Variants in UGCG observed in about 807,000 individuals in gnomAD.
UGCG encodes UDP-glucose ceramide glucosyltransferase.
Under a neutral mutation model 49.5 loss-of-function variants are expected in UGCG, and 10 were observed. The observed-to-expected ratio is 0.20, with a 90% CI of 0.12 to 0.34. The LOEUF (loss-of-function observed/expected upper bound fraction) is 0.34, where lower values mean the gene tolerates loss of function less well. Ranked by LOEUF, UGCG falls within the 10% of genes least tolerant of loss-of-function variation. The probability of loss-of-function intolerance (pLI) is 1.00; values close to 1 mark genes in which losing one functional copy is unlikely to be tolerated. For synonymous variants in UGCG, 182 were observed against 158.2 expected (o/e 1.15, Z -1.13); for missense variants, 312 against 483.7 (o/e 0.65, Z 3.33).
chr9:111,901,797 G>A (rs928186107), intron 1 of UGCG, among the ~76,000 whole-genome samples: 2 of 152,176 alleles, frequency 1.3e-5, no homozygotes, highest in Admixed American at 1.3e-4. Context: ...AGTTAGTTCA[G>A]CACACCTTCA....
chr9:111,922,349 A>C (rs1395305490), intron 2 of UGCG, among the ~76,000 whole-genome samples: 2 of 152,186 alleles, frequency 1.3e-5, no homozygotes, highest in Admixed American at 1.3e-4. Flanking sequence ...ATGAATTTGG[A>C]AGGGCCCTTT....
chr9:111,904,627 G>A (rs927542922), intron 1 of UGCG, among the ~76,000 whole-genome samples: 9 of 152,312 alleles, frequency 5.9e-5, no homozygotes, highest in Admixed American at 1.3e-4. Flanking sequence ...TTGGGAGGCC[G>A]AGGCAGGTGG....
chr9:111,933,814 T>G lies in UGCG; in HGVS notation c.*817T>G, dbSNP rs921972409. 6.6e-6 allele frequency: 1 copy of G among 152,160 alleles called. No homozygotes were observed. Among genetic ancestry groups the G allele is most frequent in the Non-Finnish European group, 1.5e-5 (1 of 68,036 alleles). 9.4% of individuals were successfully genotyped at this position (152,160 alleles called of 1,614,324 possible). Reference sequence around the variant, plus strand: ...ATAGCTAAATCTTTTCCTTCCTTGCTCCTCCCCCAGCCCACCCCGTCTTCC... The same window carrying G: ...ATAGCTAAATCTTTTCCTTCCTTGCGCCTCCCCCAGCCCACCCCGTCTTCC... On this transcript the variant is annotated 3_prime_UTR_variant, in exon 9 of 9. Transcript: ENST00000374279.
rs1838485839 is a variant in UGCG at position 111,934,702 on chromosome 9, C to A, written c.*1705C>A. ...TATTTAAGCTTTTCTCTGGGCCAAA[C>A]TGCTTCATCCTTTTTTCTTTCTTTT... On this transcript the variant is annotated 3_prime_UTR_variant, in exon 9 of 9. Transcript: ENST00000374279. The A allele has an allele frequency of 6.8e-6, 1 of 147,754 alleles. No individual in the cohort carries two copies. The highest frequency in any genetic ancestry group is 2.5e-5 in the African/African-American group (1 of 39,508). 9.2% of individuals were successfully genotyped at this position (147,754 alleles called of 1,614,324 possible).
intron 2 of UGCG, among the ~76,000 whole-genome samples, chr9:111,918,517 T>TA (rs1838151783): frequency 6.6e-6 from 1 of 152,248 alleles, no homozygotes; most frequent in South Asian, 2.1e-4. Context: ...AAATGAATCT[T>TA]ATGTATTTGA....
chr9:111,932,026 AAAAAAAAAAAC>A lies in UGCG; in HGVS notation c.825-139_825-129del, dbSNP rs1375158101. ...CAGAGCAGAACCCCGTCTCAAGTAAAAAAAAAAAAACAAAACAAAAAAAGTTTAAAGAGAAT... is the reference window on the plus strand; with the variant it reads ...CAGAGCAGAACCCCGTCTCAAGTAAAAAAACAAAAAAAGTTTAAAGAGAAT... On this transcript the variant is annotated intron_variant, in intron 7 of 8. Coordinates refer to ENST00000374279, the MANE Select transcript of UGCG (RefSeq NM_003358.3). The A allele has an allele frequency of 3.4e-6, 3 of 878,868 alleles. No individual in the cohort carries two copies. In the African/African-American group the frequency reaches 5.2e-5, roughly 15 times the overall value. The allele number at this position is 878,868 out of a possible 1,614,324, so 54.4% of individuals were successfully genotyped here. A position where few individuals can be genotyped will look rare whatever the true frequency, so the allele number is the denominator to read the frequency against.
chr9:111,903,250 G>T (rs1321631856), intron 1 of UGCG, among the ~76,000 whole-genome samples: 1 of 152,162 alleles, frequency 6.6e-6, no homozygotes, highest in Non-Finnish European at 1.5e-5. Context: ...TTTGAAAACA[G>T]AACTGTAAAA....
At position 111,934,041 on chromosome 9, in the gene UGCG, A is replaced by G. The variant is rs1217924498; in HGVS notation, c.*1044A>G. ...TTTTAAGTCAGTAAATATTCTAGCC[A>G]TCAATAAATTGCAGTAGAGTATTAA... is the stretch of plus-strand genomic sequence containing the variant. On this transcript the variant is annotated 3_prime_UTR_variant, in exon 9 of 9. Transcript: ENST00000374279. The G allele has an allele frequency of 6.6e-6, 1 of 152,162 alleles. No individual in the cohort carries two copies. The highest frequency in any genetic ancestry group is 1.5e-5 in the Non-Finnish European group (1 of 68,018). 9.4% of individuals were successfully genotyped at this position (152,162 alleles called of 1,614,324 possible).
chr9:111,931,730 TAA>T (rs1043354243), intron 7 of UGCG, among the ~76,000 whole-genome samples: 1 of 152,088 alleles, frequency 6.6e-6, no homozygotes, highest in Non-Finnish European at 1.5e-5. Flanking sequence ...AGAGAGTCAT[TAA>T]AAAAAATTTT....
At chr9:111,914,772 TTTTG>T (rs1345896774) in intron 2 of UGCG, 26 bp downstream of exon 2, 1 of 1,481,058 alleles carries the variant, frequency 6.8e-7, no homozygotes, top group Admixed American at 2.1e-5. Context: ...CGGTTTTTTG[TTTTG>T]TTTTGTTTTG....
intron 2 of UGCG, among the ~76,000 whole-genome samples, chr9:111,918,621 G>A (rs912828551): frequency 1.3e-5 from 2 of 152,084 alleles, no homozygotes; most frequent in Non-Finnish European, 2.9e-5. Flanking sequence ...TTATGTTTAA[G>A]CAGTGTAATC....
At chr9:111,907,290 G>C (rs76812294) in intron 1 of UGCG, among the ~76,000 whole-genome samples, 1,547 of 152,304 alleles carry the variant, frequency 0.01, 37 homozygotes, top group African/African-American at 0.035. Context: ...ATGAGAGGTG[G>C]CGTGTGCACA....
In UGCG at chr9:111,898,432, CTTTGCTTTTGG is replaced by C. The variant is rs1392835372; in HGVS notation, c.98+1120_98+1130del. ...CCTTTTTACTGCGGAAAAAGTGTGC[CTTTGCTTTTGG>C]AAACACTGTATTTTATTAGTATAGT... On this transcript the variant is annotated intron_variant, in intron 1 of 8. Coordinates refer to ENST00000374279, the MANE Select transcript of UGCG (RefSeq NM_003358.3). Among the ~76,000 whole-genome samples the C allele has an allele frequency of 2.1e-3, 323 of 151,046 alleles. 1 individual carries two copies. The highest frequency in any genetic ancestry group is 7.5e-3 in the African/African-American group (309 of 41,164).
In UGCG at chr9:111,932,291, A is replaced by C; in HGVS notation, c.946A>C (p.Met316Leu). The C allele has an allele frequency of 6.2e-7, 1 of 1,614,108 alleles. No homozygotes were observed. The highest frequency in any genetic ancestry group is 8.5e-7 in the Non-Finnish European group (1 of 1,180,002). Residue 316 changes from methionine to leucine, a missense_variant, in exon 8 of 9, where the codon ATG (methionine) becomes CTG (leucine). Physicochemically the swap from Met to Leu is conservative, Grantham distance 15. Coordinates refer to ENST00000374279, the MANE Select transcript of UGCG (RefSeq NM_003358.3). ...CCACCATGTGTTCAGATGGGATATT[A>C]TGGTATTTTTCATGTGTCATTGCCT... ...AAHHVFRWDI[M>L]VFFMCHCLAW... is the part of the protein sequence containing the mutation.
chr9:111,920,803 C>G (rs925575609), intron 2 of UGCG, among the ~76,000 whole-genome samples: 1 of 152,154 alleles, frequency 6.6e-6, no homozygotes, highest in African/African-American at 2.4e-5. Flanking sequence ...ATATAACAGA[C>G]TTTGTCGTTC....
At chr9:111,913,203 A>G (rs747002790) in intron 1 of UGCG, among the ~76,000 whole-genome samples, 3 of 152,268 alleles carry the variant, frequency 2.0e-5, no homozygotes, top group Non-Finnish European at 4.4e-5. Context: ...AGATGTTAAA[A>G]TGTGGAAGAA....
At position 111,929,677 on chromosome 9, in the gene UGCG, C is replaced by A. The variant is rs1838385825; in HGVS notation, c.736C>A (p.Arg246=). The change falls in exon 6 of 9, where the codon CGA becomes AGA. Residue 246 remains arginine, a splice_region_variant and synonymous_variant. Coordinates refer to ENST00000374279, the MANE Select transcript of UGCG (RefSeq NM_003358.3). The stretch of plus-strand genomic sequence containing the variant: ...CTTTATGGCCAAAGCGATAGCTGAC[C>A]GGTAAGACAACTAAATGAAGCCATA... ...DYFMAKAIAD[R]GWRFAMSTQV... 1.2e-6 allele frequency: 2 copies of A among 1,612,044 alleles called. No homozygotes were observed. The highest frequency in any genetic ancestry group is 1.7e-6 in the Non-Finnish European group (2 of 1,179,470).
At chr9:111,902,308 A>C (rs1269902986) in intron 1 of UGCG, among the ~76,000 whole-genome samples, 2 of 152,178 alleles carry the variant, frequency 1.3e-5, no homozygotes, top group Non-Finnish European at 2.9e-5. Flanking sequence ...TTTCCTATAG[A>C]GCTAACTCAC....
intron 1 of UGCG, among the ~76,000 whole-genome samples, chr9:111,908,975 G>C (rs1344013386): frequency 6.6e-6 from 1 of 152,152 alleles, no homozygotes; most frequent in Non-Finnish European, 1.5e-5. Flanking sequence ...CTGGAGTGCA[G>C]TGGTGCGATC....
Sources: gnomAD v4.1 joint callset for allele counts (sites outside exome capture counted in the v4.1 genomes callset) on GRCh38, gnomAD v4.1.1 for gene constraint, MANE v1.5 for transcripts, NCBI Gene and HGNC (gene_info 2026-07-23, HGNC 2026-07-21) for gene names.